The following UBE4B variants were observed in gnomAD, a reference collection of about 807,000 sequenced individuals.
UBE4B encodes the protein ubiquitin conjugation factor E4 B.
Under a neutral mutation model 148.1 loss-of-function variants are expected in UBE4B, and 27 were observed. The observed-to-expected ratio is 0.18, with a 90% CI of 0.13 to 0.25. UBE4B has a LOEUF of 0.25. Among genes scored for constraint, UBE4B ranks in the 10% least tolerant of loss-of-function variants. The pLI, the probability that UBE4B is intolerant of heterozygous loss-of-function variation, is 1.00. For synonymous variants in UBE4B, 596 were observed against 619.3 expected, an observed-to-expected ratio of 0.96 and a Z score of 0.56; for missense variants, 1,170 against 1,662.4, an observed-to-expected ratio of 0.70 and a Z score of 5.15.
intron 25 of UBE4B, among the ~76,000 whole-genome samples, chr1:10,174,869 G>C (rs1646394350): frequency 6.6e-6 from 1 of 152,132 alleles, no homozygotes; most frequent in Non-Finnish European, 1.5e-5. Flanking sequence ...AGTGCAGAAG[G>C]ATGGATGGTT....
chr1:10,122,097 T>A, intron 10 of UBE4B, 21 bp downstream of exon 10: 2 of 1,560,192 alleles, frequency 1.3e-6, no homozygotes, highest in Non-Finnish European at 1.7e-6. Flanking sequence ...ATGAGTTTGC[T>A]CTTGCAAATT....
At chr1:10,045,488 A>C (rs751428356) in intron 1 of UBE4B, among the ~76,000 whole-genome samples, 1 of 152,096 alleles carries the variant, frequency 6.6e-6, no homozygotes, top group African/African-American at 2.4e-5. Context: ...TTGTGGTTTA[A>C]TGTGCCATAT....
chr1:10,054,997 G>C (rs1171281884), intron 1 of UBE4B, among the ~76,000 whole-genome samples: 2 of 152,020 alleles, frequency 1.3e-5, no homozygotes, highest in Non-Finnish European at 2.9e-5. Context: ...TGTTGGTCAG[G>C]CTGGGCTTGA....
chr1:10,133,327 A>G (rs1203052723), intron 15 of UBE4B, among the ~76,000 whole-genome samples: 1 of 152,198 alleles, frequency 6.6e-6, no homozygotes, highest in African/African-American at 2.4e-5. Context: ...GGGACCTTAG[A>G]CAGTGACTCC....
At chr1:10,099,665 C>T (rs1644978824) in intron 3 of UBE4B, among the ~76,000 whole-genome samples, 1 of 152,076 alleles carries the variant, frequency 6.6e-6, no homozygotes, top group Non-Finnish European at 1.5e-5. Context: ...GATAGCAAAA[C>T]CTCTTAAAGG....
rs374640200 is a variant in UBE4B, at chr1:10,130,751, A to G, written c.1849A>G (p.Ile617Val). ...VVEKYFSGPA[I>V]TLENTRVVSQ... ...TGAAAAATACTTCTCAGGGCCTGCC[A>G]TTACCCTGGAAAACACTCGTGTGGT... Residue 617 changes from isoleucine to valine, a missense_variant, in exon 14 of 28, where the codon ATT becomes GTT. Coordinates refer to ENST00000343090, the MANE Select transcript of UBE4B (RefSeq NM_001105562.3). The G allele has an allele frequency of 4.3e-6, 7 of 1,613,988 alleles. No homozygotes were observed. The highest frequency in any genetic ancestry group is 3.3e-5 in the South Asian group (3 of 91,090).
chr1:10,079,383 C>T (rs1232571441), intron 2 of UBE4B, among the ~76,000 whole-genome samples: 1 of 152,138 alleles, frequency 6.6e-6, no homozygotes, highest in Non-Finnish European at 1.5e-5. Context: ...TGGTCTTGAA[C>T]TTCTGACCTC....
intron 10 of UBE4B, among the ~76,000 whole-genome samples, chr1:10,124,309 G>A (rs1238683528): frequency 1.3e-5 from 2 of 152,076 alleles, no homozygotes; most frequent in Non-Finnish European, 2.9e-5. Flanking sequence ...TTATAGGAGC[G>A]TACCACCATG....
intron 23 of UBE4B, among the ~76,000 whole-genome samples, chr1:10,164,866 G>A (rs999497099): frequency 3.3e-5 from 5 of 152,046 alleles, no homozygotes; most frequent in Admixed American, 3.3e-4. Flanking sequence ...TGAGCCTAGT[G>A]GAATTTGGTA....
intron 17 of UBE4B, 79 bp from the exon 18 acceptor site, chr1:10,144,861 G>C: frequency 1.0e-6 from 1 of 972,950 alleles, no homozygotes; most frequent in Non-Finnish European, 1.6e-6. Flanking sequence ...GCGTGTGAGA[G>C]TCAGTGAAAT....
intron 17 of UBE4B, among the ~76,000 whole-genome samples, chr1:10,139,931 T>G (rs1645759586): frequency 6.6e-6 from 1 of 152,176 alleles, no homozygotes; most frequent in Non-Finnish European, 1.5e-5. Context: ...TTTCTCCATG[T>G]TGGTCAGGCT....
chr1:10,123,156 C>T (rs1317616125), intron 10 of UBE4B, among the ~76,000 whole-genome samples: 5 of 152,142 alleles, frequency 3.3e-5, no homozygotes, highest in African/African-American at 1.2e-4. Context: ...GTCGGCCGGG[C>T]GCAGTGGCTC....
In UBE4B at chr1:10,054,074, A is replaced by T. The variant is rs1000942437; in HGVS notation, c.25-17954A>T. Among the ~76,000 whole-genome samples, 75 of 151,892 alleles carry T rather than the reference A, an allele frequency of 4.9e-4. 1 individual carries two copies. The highest frequency in any genetic ancestry group is 1.8e-3 in the African/African-American group (75 of 41,444). On this transcript the variant is annotated intron_variant, in intron 1 of 27. Transcript: ENST00000343090. ...AATTAGAAATATTAGATTTTTTTTA[A>T]AAAAAAAGACAGGATTTTTGACACA... is the stretch of plus-strand genomic sequence containing the variant.
chr1:10,043,619 G>T (rs1464939628), intron 1 of UBE4B, among the ~76,000 whole-genome samples: 1 of 151,396 alleles, frequency 6.6e-6, no homozygotes, highest in Non-Finnish European at 1.5e-5. Flanking sequence ...TAGTAGAGAC[G>T]GGGTTTCACC....
intron 25 of UBE4B, among the ~76,000 whole-genome samples, chr1:10,174,050 G>A (rs757697011): frequency 3.3e-5 from 5 of 152,180 alleles, no homozygotes; most frequent in Non-Finnish European, 5.9e-5. Flanking sequence ...CTTCCAGAGT[G>A]GTGAAACAAA....
intron 2 of UBE4B, among the ~76,000 whole-genome samples, chr1:10,091,852 G>A (rs575469408): frequency 6.0e-4 from 91 of 151,908 alleles, no homozygotes; most frequent in Non-Finnish European, 1.1e-3. Flanking sequence ...TGATCCACCC[G>A]TCTTGGCCTC....
At chr1:10,134,364 T>G (rs2101950382) in intron 15 of UBE4B, among the ~76,000 whole-genome samples, 1 of 151,776 alleles carries the variant, frequency 6.6e-6, no homozygotes, top group South Asian at 2.1e-4. Flanking sequence ...TACAAAAAAT[T>G]TGCCGGGCGT....
rs965386201 is a variant in UBE4B, at chr1:10,168,983, T to C, written c.3333+713T>C. 6.6e-6 allele frequency among the ~76,000 whole-genome samples: 1 copy of C among 151,940 alleles called. No homozygotes were observed. Among genetic ancestry groups the C allele is most frequent in the African/African-American group, 2.4e-5 (1 of 41,358 alleles). On this transcript the variant is annotated intron_variant, in intron 24 of 27. Transcript: ENST00000343090. The surrounding 1 kb of genome is among the most constrained non-coding windows in gnomAD (Gnocchi z 4.9). ...GTAGAATAATTGAGACCGTGTAAAA[T>C]CTTTGGCTCTCTTAGCTGTACCTTT...
chr1:10,168,320 A>G lies in UBE4B; in HGVS notation c.3333+50A>G, dbSNP rs1646286329. ...TTGGTGGTTTGGACTCCACATTCAG[A>G]CTCTCTCACTTATAACTTTAGCAGT... is the stretch of plus-strand genomic sequence containing the variant. On this transcript the variant is annotated intron_variant, in intron 24 of 27. Transcript: ENST00000343090. The surrounding 1 kb of genome is among the most constrained non-coding windows in gnomAD (Gnocchi z 4.9). The G allele has an allele frequency of 1.3e-6, 2 of 1,596,666 alleles. No homozygotes were observed. Among genetic ancestry groups the G allele is most frequent in the African/African-American group, 1.3e-5 (1 of 74,158 alleles).
Sources: allele counts gnomAD v4.1 joint callset (sites outside exome capture counted in the v4.1 genomes callset), GRCh38; gene constraint gnomAD v4.1.1; non-coding constraint Gnocchi (gnomAD v3.1); transcripts MANE v1.5; gene names NCBI Gene and HGNC (gene_info 2026-07-23, HGNC 2026-07-21).